PCDHGB6: variants seen among roughly 807,000 people sequenced by gnomAD.
The protein encoded by PCDHGB6 is protocadherin gamma-B6.
PCDHGB6 carries 51 observed loss-of-function variants against 59.1 expected under a neutral mutation model. The observed-to-expected ratio is 0.86, with a 90% CI of 0.69 to 1.09. The LOEUF is 1.09. PCDHGB6 is among the 50% of genes least tolerant of loss of function. PCDHGB6 has a pLI of 0.00. For missense variants in PCDHGB6, 1,148 were observed against 1,205.1 expected (o/e 0.95, Z 0.70); for synonymous variants, 466 against 495.1 (o/e 0.94, Z 0.78).
Position 141,486,904 on chromosome 5 carries a change from C to G in PCDHGB6, c.2419-7903C>G. On this transcript the variant is annotated intron_variant, in intron 1 of 3. Transcript: ENST00000520790. This position sits in a 1 kb window ranked among gnomAD's most constrained non-coding sequence, Gnocchi z 5.0. The stretch of plus-strand genomic sequence containing the variant: ...GGGCCCGGCCTGGTTCCTTATGTCC[C>G]CAAGCACTGCCTCCATCAGTTGGTG... 6.2e-7 allele frequency: 1 copy of G among 1,614,226 alleles called. No individual in the cohort carries two copies. The highest frequency in any genetic ancestry group is 1.1e-5 in the South Asian group (1 of 91,080).
chr5:141,441,295 A>C (rs952946372), intron 1 of PCDHGB6: 3 of 152,240 alleles, frequency 2.0e-5, no homozygotes, highest in Non-Finnish European at 4.4e-5. Flanking sequence ...CACATGTCTG[A>C]TATAAGAAAA....
Position 141,476,656 on chromosome 5 carries a change from T to G in PCDHGB6, c.2419-18151T>G, listed in dbSNP as rs190269177. On this transcript the variant is annotated intron_variant, in intron 1 of 3. Transcript: ENST00000520790. The surrounding 1 kb of genome is among the most constrained non-coding windows in gnomAD (Gnocchi z 7.6). ...ATGAGCTGAGCCGAAATGAATACTTTGCGCTTCGCGTGCAGACGCGGGAGG... is the reference window on the plus strand; with the variant it reads ...ATGAGCTGAGCCGAAATGAATACTTGGCGCTTCGCGTGCAGACGCGGGAGG... The G allele has an allele frequency of 1.2e-6, 2 of 1,614,210 alleles. No individual in the cohort carries two copies. The highest frequency in any genetic ancestry group is 1.7e-6 in the Non-Finnish European group (2 of 1,180,044).
chr5:141,495,300 C>T (rs1249195819), intron 2 of PCDHGB6, among the ~76,000 whole-genome samples: 1 of 152,204 alleles, frequency 6.6e-6, no homozygotes, highest in Non-Finnish European at 1.5e-5. Context: ...AGCGCCTCCT[C>T]CAGAGCCTCC....
chr5:141,490,346 TG>T lies in PCDHGB6; in HGVS notation c.2419-4457del, dbSNP rs1458588422. ...GAGAGCACACCAGTGGGCACAGTAG[TG>T]GGGTTGTTTAATGTGCGAGACCGGG... On this transcript the variant is annotated intron_variant, in intron 1 of 3. Coordinates refer to ENST00000520790, the MANE Select transcript of PCDHGB6 (RefSeq NM_018926.3). The surrounding 1 kb of genome is among the most constrained non-coding windows in gnomAD (Gnocchi z 5.4). 1.2e-6 allele frequency: 2 copies of T among 1,614,164 alleles called. No individual in the cohort carries two copies. The highest frequency in any genetic ancestry group is 3.3e-5 in the Admixed American group (2 of 60,032).
intron 3 of PCDHGB6, among the ~76,000 whole-genome samples, chr5:141,508,930 T>A (rs2099873149): frequency 6.6e-6 from 1 of 151,836 alleles, no homozygotes; most frequent in African/African-American, 2.4e-5. Context: ...CTTTTGGAGT[T>A]AATTAGGGAA....
At chr5:141,453,552 A>G (rs1005017830) in intron 1 of PCDHGB6, among the ~76,000 whole-genome samples, 2 of 152,188 alleles carry the variant, frequency 1.3e-5, no homozygotes, top group Non-Finnish European at 2.9e-5. Flanking sequence ...CACACTCTGT[A>G]GATAATCGAT....
chr5:141,508,409 G>T (rs143032030), intron 3 of PCDHGB6: 4 of 152,276 alleles, frequency 2.6e-5, no homozygotes, highest in South Asian at 2.1e-4. Context: ...CTTGAGCCAC[G>T]CAGAGACTTG....
intron 3 of PCDHGB6, among the ~76,000 whole-genome samples, chr5:141,509,622 T>C (rs2099877603): frequency 6.6e-6 from 1 of 152,186 alleles, no homozygotes; most frequent in Non-Finnish European, 1.5e-5. Flanking sequence ...AACAAGTTCC[T>C]GGGTGATGCT....
intron 1 of PCDHGB6, chr5:141,413,019 C>T (rs1056458163): frequency 2.9e-6 from 2 of 683,106 alleles, no homozygotes; most frequent in Non-Finnish European, 4.7e-6. Flanking sequence ...ACTACACAAG[C>T]CCCACAAACC....
At chr5:141,422,498 C>T (rs1482415670) in intron 1 of PCDHGB6, 1 of 1,613,964 alleles carries the variant, frequency 6.2e-7, no homozygotes, top group Admixed American at 1.7e-5. Flanking sequence ...ATAACGTTGA[C>T]AGCCACAGAC....
chr5:141,416,996 C>T (rs1280099812), intron 1 of PCDHGB6: 1 of 151,012 alleles, frequency 6.6e-6, no homozygotes. Flanking sequence ...GTGCATTCAT[C>T]TCAAATAATT....
rs200317374 is a variant in PCDHGB6, at chr5:141,408,395, A to C, written c.193A>C (p.Lys65Gln). 29 of 1,613,856 alleles carry C rather than the reference A, an allele frequency of 1.8e-5. No homozygotes were observed. The South Asian group carries it at 3.0e-4, about 16-fold the overall frequency. Residue 65 changes from lysine (K) to glutamine (Q), a missense_variant, in exon 1 of 4, where the codon AAG becomes CAG. Lys to Gln is a moderately conservative substitution (Grantham distance 53). Transcript: ENST00000520790. ...CAGTGTCCTGGATGTGTCGGCTCGC[A>C]AGCTGCGAGTGAGCGCGGAGAAGCT... ...GLSVLDVSAR[K>Q]LRVSAEKLHF... is the part of the protein sequence containing the mutation.
intron 1 of PCDHGB6, chr5:141,421,518 TGA>T: frequency 6.2e-7 from 1 of 1,614,058 alleles, no homozygotes; most frequent in Non-Finnish European, 8.5e-7. Flanking sequence ...AGGAGCTCTG[TGA>T]GACGGTGTCC....
intron 1 of PCDHGB6, chr5:141,422,008 C>T (rs767148055): frequency 1.2e-5 from 20 of 1,609,502 alleles, no homozygotes; most frequent in Admixed American, 5.1e-5. Context: ...CTCCGGAACT[C>T]GGGTGCTGAT....
At chr5:141,415,740 G>GTTTTTTTTTTTTTTTTTGTTTTT (rs2095912994) in intron 1 of PCDHGB6, 1 of 515,998 alleles carries the variant, frequency 1.9e-6, no homozygotes. Flanking sequence ...GTTTATTAAG[G>GTTTTTTTTTTTTTTTTTGTTTTT]TTTTTTTTTT....
chr5:141,505,210 A>G (rs899138393), intron 2 of PCDHGB6, among the ~76,000 whole-genome samples, 183 bp from the exon 3 acceptor site: 3 of 152,192 alleles, frequency 2.0e-5, no homozygotes, highest in African/African-American at 7.2e-5. Flanking sequence ...GGTTTGAGGG[A>G]CTGACTTGTG....
Position 141,413,755 on chromosome 5 carries a change from A to T in PCDHGB6, c.2418+3135A>T, listed in dbSNP as rs199577406. On this transcript the variant is annotated intron_variant, in intron 1 of 3. Transcript: ENST00000520790. ...AGTTCAGAGCCGTGCCAATGGCGTC[A>T]AGTACCCGGAGCTGGTACTGGAGCA... 1.6e-4 allele frequency: 266 copies of T among 1,612,936 alleles called. 3 individuals carry two copies. In the South Asian group the frequency reaches 2.3e-3, roughly 14 times the overall value.
At chr5:141,482,611 G>T (rs1016481108) in intron 1 of PCDHGB6, among the ~76,000 whole-genome samples, 1 of 150,398 alleles carries the variant, frequency 6.6e-6, no homozygotes, top group Admixed American at 6.6e-5. Context: ...ACACCTAAAT[G>T]AGCCTGGAGA....
At chr5:141,452,858 T>C (rs904455495) in intron 1 of PCDHGB6, among the ~76,000 whole-genome samples, 1 of 152,202 alleles carries the variant, frequency 6.6e-6, no homozygotes. Flanking sequence ...GGGGAGATGA[T>C]TTTCTAACTC....
Sources: allele counts gnomAD v4.1 joint callset (sites outside exome capture counted in the v4.1 genomes callset), GRCh38; gene constraint gnomAD v4.1.1; non-coding constraint Gnocchi (gnomAD v3.1); transcripts MANE v1.5; gene names NCBI Gene and HGNC (gene_info 2026-07-23, HGNC 2026-07-21).